SLC35D1: variants seen among roughly 807,000 people sequenced by gnomAD.
SLC35D1 encodes solute carrier family 35 member D1.
SLC35D1 carries 31 observed loss-of-function variants against 46.7 expected under a neutral mutation model. The ratio of observed to expected loss-of-function variants is 0.66; its 90% CI spans 0.50 to 0.90. SLC35D1 has a LOEUF of 0.90. Ranked by LOEUF, SLC35D1 falls within the 40% of genes least tolerant of loss-of-function variation. SLC35D1 has a pLI of 0.00. For synonymous variants in SLC35D1, 195 were observed against 164.6 expected, an observed-to-expected ratio of 1.18 and a Z score of -1.41; for missense variants, 397 against 426.2, an observed-to-expected ratio of 0.93 and a Z score of 0.60.
chr1:67,020,065 C>T (rs1021625436), intron 10 of SLC35D1, among the ~76,000 whole-genome samples: 1 of 152,300 alleles, frequency 6.6e-6, no homozygotes, highest in African/African-American at 2.4e-5. Context: ...AAGGGACAGG[C>T]TTATCACTAC....
the SLC35D1 span, among the ~76,000 whole-genome samples, chr1:66,993,137 GA>G: frequency 6.6e-6 from 1 of 152,110 alleles, no homozygotes; most frequent in African/African-American, 2.4e-5. Flanking sequence ...CTGAACTCTA[GA>G]AAAGAGAAAT....
At chr1:67,033,402 C>T (rs1311113723) in intron 8 of SLC35D1, among the ~76,000 whole-genome samples, 1 of 151,982 alleles carries the variant, frequency 6.6e-6, no homozygotes, top group Non-Finnish European at 1.5e-5. Flanking sequence ...TATTGCCTGA[C>T]TTTTGGTTAA....
intron 4 of SLC35D1, among the ~76,000 whole-genome samples, chr1:67,051,339 T>C (rs2755259): frequency 0.65 from 98,212 of 152,132 alleles, 32,026 homozygotes; most frequent in South Asian, 0.75. Context: ...GGTGAAGCCA[T>C]GGGGTTTCTG....
intron 11 of SLC35D1, among the ~76,000 whole-genome samples, chr1:67,004,689 A>G (rs1380496839): frequency 6.6e-6 from 1 of 152,262 alleles, no homozygotes; most frequent in Non-Finnish European, 1.5e-5. Flanking sequence ...TAAAACATCA[A>G]GCATTGTCTA....
At chr1:67,012,545 CAAA>C (rs10674963) in intron 10 of SLC35D1, among the ~76,000 whole-genome samples, 5,351 of 103,150 alleles carry the variant, frequency 0.052, 127 homozygotes, top group African/African-American at 0.1. Context: ...ACTCCTAAAT[CAAA>C]AAAAAAAAAA....
chr1:67,052,219 GACACCCAA>G (rs938382159), intron 3 of SLC35D1, 140 bp from the exon 4 acceptor site: 7 of 677,464 alleles, frequency 1.0e-5, no homozygotes, highest in African/African-American at 9.0e-5. Context: ...ACACAATTTT[GACACCCAA>G]ACACCCAAAC....
the SLC35D1 span, chr1:66,982,051 CATA>C: frequency 3.6e-6 from 3 of 830,860 alleles, no homozygotes; most frequent in Non-Finnish European, 5.8e-6. Context: ...ATGAGACAAA[CATA>C]ACATCAGCAT....
intron 8 of SLC35D1, among the ~76,000 whole-genome samples, chr1:67,022,546 A>G (rs1056825466): frequency 1.3e-5 from 2 of 151,620 alleles, no homozygotes; most frequent in African/African-American, 2.4e-5. Context: ...GTGCCTCAGT[A>G]CTCCTCTCTA....
intron 4 of SLC35D1, among the ~76,000 whole-genome samples, chr1:67,051,748 A>G (rs1232536152): frequency 2.6e-5 from 4 of 152,064 alleles, no homozygotes; most frequent in East Asian, 3.9e-4. Flanking sequence ...CTATCATAGC[A>G]TTTTATAACA....
intron 8 of SLC35D1, among the ~76,000 whole-genome samples, chr1:67,028,308 C>T (rs1667954202): frequency 1.3e-5 from 2 of 152,164 alleles, no homozygotes; most frequent in South Asian, 4.1e-4. Context: ...AATGTGTACG[C>T]TGCTGTTGTT....
chr1:67,046,122 C>A (rs946685801), intron 7 of SLC35D1, among the ~76,000 whole-genome samples: 2 of 152,000 alleles, frequency 1.3e-5, no homozygotes, highest in African/African-American at 4.8e-5. Flanking sequence ...AAATCAACAC[C>A]GTCCTTGGTT....
At chr1:66,985,580 A>G in the SLC35D1 span, 1 of 985,330 alleles carries the variant, frequency 1.0e-6, no homozygotes, top group Non-Finnish European at 1.2e-6. Context: ...TAGCCTTTGA[A>G]AGATTTTTAC....
At chr1:66,980,782 G>A in the SLC35D1 span, among the ~76,000 whole-genome samples, 1 of 151,502 alleles carries the variant, frequency 6.6e-6, no homozygotes, top group Admixed American at 6.6e-5. Flanking sequence ...CTGACCTTGG[G>A]GAATTCTAGT....
downstream of SLC35D1, among the ~76,000 whole-genome samples, chr1:66,995,509 G>A (rs1667230676): frequency 7.5e-6 from 1 of 133,810 alleles, no homozygotes; most frequent in Non-Finnish European, 1.6e-5. Context: ...TCTTCATAGA[G>A]CTTGAAGTGC....
At chr1:67,049,600 T>G (rs980334701) in intron 6 of SLC35D1, among the ~76,000 whole-genome samples, 182 bp downstream of exon 6, 1 of 152,236 alleles carries the variant, frequency 6.6e-6, no homozygotes, top group African/African-American at 2.4e-5. Context: ...CCAAGAATCT[T>G]ATTTTTGTCA....
chr1:67,012,545 CAAAAAA>C (rs10674963), intron 10 of SLC35D1, among the ~76,000 whole-genome samples: 9,700 of 103,272 alleles, frequency 0.094, 363 homozygotes, highest in Middle Eastern at 0.15. Flanking sequence ...ACTCCTAAAT[CAAAAAA>C]AAAAAAAAAA....
chr1:66,985,572 G>A, the SLC35D1 span: 1 of 985,178 alleles, frequency 1.0e-6, no homozygotes, highest in African/African-American at 1.7e-5. Context: ...ATTCTTTGTA[G>A]CCTTTGAAAG....
At chr1:66,993,105 CT>C in the SLC35D1 span, among the ~76,000 whole-genome samples, 92 of 152,306 alleles carry the variant, frequency 6.0e-4, no homozygotes, top group African/African-American at 2.1e-3. Context: ...AACAATCTTT[CT>C]CCTAGCTTTT....
the SLC35D1 span, chr1:66,981,972 C>G: frequency 1.3e-6 from 2 of 1,583,902 alleles, no homozygotes; most frequent in Non-Finnish European, 1.7e-6. Flanking sequence ...CACTTTCTTG[C>G]AGTGACTTGG....
Sources: gnomAD v4.1 joint callset for allele counts (sites outside exome capture counted in the v4.1 genomes callset) on GRCh38, gnomAD v4.1.1 for gene constraint, MANE v1.5 for transcripts, NCBI Gene and HGNC (gene_info 2026-07-23, HGNC 2026-07-21) for gene names.